Variants in RANBP2 observed in about 807,000 individuals in gnomAD.
The protein encoded by RANBP2 is RAN binding protein 2, also known as E3 SUMO-protein ligase RanBP2.
A neutral mutation model predicts 303.6 loss-of-function variants in RANBP2; 57 were observed. The observed-to-expected ratio is 0.19, with a 90% CI of 0.15 to 0.23. RANBP2 has a LOEUF of 0.23. Ranked by LOEUF, RANBP2 falls within the 10% of genes least tolerant of loss-of-function variation. RANBP2 has a pLI of 1.00. For missense variants in RANBP2, 3,138 were observed against 3,780.8 expected, an observed-to-expected ratio of 0.83 and a Z score of 4.46; for synonymous variants, 1,167 against 1,301.5, an observed-to-expected ratio of 0.90 and a Z score of 2.23.
the RANBP2 span, among the ~76,000 whole-genome samples, chr2:109,036,338 A>G: frequency 6.6e-6 from 1 of 152,236 alleles, no homozygotes; most frequent in Non-Finnish European, 1.5e-5. Context: ...GGCTCATTGT[A>G]TAAGGCTAGT....
the RANBP2 span, among the ~76,000 whole-genome samples, chr2:109,044,152 CTAAA>C: frequency 6.6e-6 from 1 of 152,200 alleles, no homozygotes; most frequent in East Asian, 1.9e-4. Flanking sequence ...TATTCTATCC[CTAAA>C]TAAATAATGA....
At chr2:108,792,813 C>G in the RANBP2 span, among the ~76,000 whole-genome samples, 1 of 152,186 alleles carries the variant, frequency 6.6e-6, no homozygotes, top group Non-Finnish European at 1.5e-5. Flanking sequence ...GCCTGTAATC[C>G]CAGCACTTTG....
chr2:109,731,861 C>G, the RANBP2 span, among the ~76,000 whole-genome samples: 1 of 146,512 alleles, frequency 6.8e-6, no homozygotes, highest in African/African-American at 2.5e-5. Context: ...TTTTTTTTGG[C>G]GAGGAGGGCA....
the RANBP2 span, among the ~76,000 whole-genome samples, chr2:109,539,304 A>T: frequency 5.3e-5 from 8 of 151,956 alleles, no homozygotes; most frequent in South Asian, 2.1e-4. Context: ...TCTCAAAAAG[A>T]AAAAAAATAT....
chr2:108,974,535 G>C, the RANBP2 span, among the ~76,000 whole-genome samples: 1 of 151,218 alleles, frequency 6.6e-6, no homozygotes, highest in East Asian at 2.0e-4. Context: ...TTGGAGACCA[G>C]CCTGACCAAC....
chr2:108,742,202 G>A (rs1185660834), intron 7 of RANBP2, among the ~76,000 whole-genome samples: 2 of 152,020 alleles, frequency 1.3e-5, no homozygotes, highest in African/African-American at 4.8e-5. Context: ...CTCCATGTTG[G>A]TCAGGCTGAT....
At chr2:109,614,828 G>A in the RANBP2 span, 10 of 1,432,346 alleles carry the variant, frequency 7.0e-6, no homozygotes, top group African/African-American at 1.4e-4. Context: ...CCGGGCCCGA[G>A]GCGCGCGATC....
the RANBP2 span, among the ~76,000 whole-genome samples, chr2:108,888,838 A>G: frequency 6.7e-6 from 1 of 149,902 alleles, no homozygotes; most frequent in Non-Finnish European, 1.5e-5. Flanking sequence ...CTTTTTGTCT[A>G]TTTTTGGGCT....
chr2:109,459,580 A>T, the RANBP2 span, among the ~76,000 whole-genome samples: 2 of 152,158 alleles, frequency 1.3e-5, no homozygotes, highest in South Asian at 2.1e-4. Context: ...GCTCTTGCCC[A>T]TGTCCACTAT....
At chr2:108,932,249 C>T in the RANBP2 span, among the ~76,000 whole-genome samples, 5 of 152,082 alleles carry the variant, frequency 3.3e-5, no homozygotes, top group African/African-American at 1.2e-4. Context: ...GTTGGAGAGG[C>T]TGAGCGCGGT....
chr2:109,410,374 C>T, the RANBP2 span, among the ~76,000 whole-genome samples: 1 of 152,226 alleles, frequency 6.6e-6, no homozygotes, highest in Non-Finnish European at 1.5e-5. Flanking sequence ...CAGGGCACTG[C>T]ACAGTCAGAC....
chr2:109,431,890 A>C, the RANBP2 span, among the ~76,000 whole-genome samples: 1 of 152,168 alleles, frequency 6.6e-6, no homozygotes, highest in Non-Finnish European at 1.5e-5. Flanking sequence ...AAGGTCAAGT[A>C]ATTAACCATA....
the RANBP2 span, among the ~76,000 whole-genome samples, chr2:108,897,932 TGGTG>T: frequency 2.0e-5 from 3 of 152,072 alleles, no homozygotes; most frequent in Non-Finnish European, 4.4e-5. Flanking sequence ...TACCTTAGGA[TGGTG>T]ATGGTGGTAA....
the RANBP2 span, chr2:108,794,824 A>T: frequency 1.1e-6 from 1 of 934,738 alleles, no homozygotes; most frequent in Non-Finnish European, 1.6e-6. Flanking sequence ...ATTACTTTAG[A>T]TAAGTTTGTC....
chr2:109,036,289 C>T, the RANBP2 span, among the ~76,000 whole-genome samples: 2 of 152,172 alleles, frequency 1.3e-5, no homozygotes, highest in Admixed American at 6.5e-5. Flanking sequence ...ACCAATTTTA[C>T]ACACTCTATC....
At chr2:109,282,077 T>C in the RANBP2 span, among the ~76,000 whole-genome samples, 7 of 152,224 alleles carry the variant, frequency 4.6e-5, 1 homozygote, top group Middle Eastern at 3.4e-3. Context: ...GGGGGCTGCA[T>C]GGCGAAGCCT....
At chr2:109,522,867 T>C in the RANBP2 span, among the ~76,000 whole-genome samples, 1,531 of 152,262 alleles carry the variant, frequency 0.01, 34 homozygotes, top group African/African-American at 0.035. Context: ...ACTTAACTAG[T>C]GAGGATGACC....
the RANBP2 span, among the ~76,000 whole-genome samples, chr2:109,353,688 C>A: frequency 6.6e-6 from 1 of 151,602 alleles, no homozygotes. Flanking sequence ...CCCTAGACTG[C>A]GTGCCCAATG....
At chr2:109,509,738 T>A in the RANBP2 span, among the ~76,000 whole-genome samples, 1 of 151,950 alleles carries the variant, frequency 6.6e-6, no homozygotes, top group East Asian at 1.9e-4. Context: ...TCAGGCCAGA[T>A]TAGGCCCACC....
Sources: gnomAD v4.1 joint callset for allele counts (sites outside exome capture counted in the v4.1 genomes callset) on GRCh38, gnomAD v4.1.1 for gene constraint, MANE v1.5 for transcripts, NCBI Gene and HGNC (gene_info 2026-07-23, HGNC 2026-07-21) for gene names.